PRSS23: variants seen among roughly 807,000 people sequenced by gnomAD.
PRSS23 encodes protease, serine 23.
PRSS23 carries 25 observed loss-of-function variants against 34.7 expected under a neutral mutation model. That is an observed-to-expected ratio of 0.72 (90% confidence interval 0.53 to 1.01). PRSS23 has a LOEUF of 1.01. PRSS23 is among the 50% of genes least tolerant of loss of function. PRSS23 has a pLI of 0.00. For synonymous variants in PRSS23, 176 were observed against 186.6 expected (o/e 0.94, Z 0.46); for missense variants, 445 against 475.6 (o/e 0.94, Z 0.60).
At chr11:86,885,685 T>A (rs1016939102) in intron 2 of PRSS23, among the ~76,000 whole-genome samples, 28 of 152,346 alleles carry the variant, frequency 1.8e-4, no homozygotes, top group African/African-American at 6.3e-4. Flanking sequence ...ATCCCGCAGA[T>A]TTTTGACTTG....
chr11:86,842,253 A>T (rs974958986), intron 2 of PRSS23, among the ~76,000 whole-genome samples: 2 of 152,126 alleles, frequency 1.3e-5, no homozygotes, highest in Non-Finnish European at 2.9e-5. Flanking sequence ...TAAAAACTCT[A>T]TATAAACTAG....
At chr11:86,867,630 A>G (rs185382338) in intron 2 of PRSS23, among the ~76,000 whole-genome samples, 2 of 152,346 alleles carry the variant, frequency 1.3e-5, no homozygotes, top group East Asian at 3.9e-4. Context: ...CTGTAATCCC[A>G]GCACTTTGAG....
intron 2 of PRSS23, among the ~76,000 whole-genome samples, chr11:86,856,460 A>G (rs1294036381): frequency 2.0e-5 from 3 of 151,704 alleles, no homozygotes; most frequent in Non-Finnish European, 4.4e-5. Context: ...CGAACCGGTG[A>G]CACGGATCTC....
intron 2 of PRSS23, among the ~76,000 whole-genome samples, chr11:86,913,725 T>A (rs1472091050): frequency 6.6e-6 from 1 of 150,874 alleles, no homozygotes. Flanking sequence ...ATATCAAGAG[T>A]TTTTGGATAG....
chr11:86,820,780 G>T (rs1948246031), intron 1 of PRSS23, among the ~76,000 whole-genome samples: 4 of 152,130 alleles, frequency 2.6e-5, no homozygotes, highest in Admixed American at 2.6e-4. Context: ...TTAGTAAAGG[G>T]CTTGTGTGAA....
At chr11:86,892,784 G>C (rs1948850162) in intron 2 of PRSS23, among the ~76,000 whole-genome samples, 1 of 151,998 alleles carries the variant, frequency 6.6e-6, no homozygotes, top group Non-Finnish European at 1.5e-5. Flanking sequence ...AATGCTTCCT[G>C]GAATCAGAGT....
chr11:86,930,317 A>G lies in PRSS23; in HGVS notation c.207-20899A>G, dbSNP rs533236246. On this transcript the variant is annotated intron_variant, in intron 2 of 2. Transcript: ENST00000533902. Reference sequence around the variant, plus strand: ...AAGCTATTCAAAAATTGAAATAAATATATGCAGTTTGTAAAATGACAACAG... The same window carrying G: ...AAGCTATTCAAAAATTGAAATAAATGTATGCAGTTTGTAAAATGACAACAG... Among the ~76,000 whole-genome samples the G allele has an allele frequency of 2.6e-5, 4 of 152,346 alleles. No individual in the cohort carries two copies. In the South Asian group the frequency reaches 8.3e-4, roughly 32 times the overall value.
At chr11:86,834,455 C>A (rs1208949625) in intron 2 of PRSS23, among the ~76,000 whole-genome samples, 1 of 151,986 alleles carries the variant, frequency 6.6e-6, no homozygotes, top group Non-Finnish European at 1.5e-5. Context: ...AATGAAGCGT[C>A]CTGCCTTGCG....
chr11:86,891,402 A>G (rs1948840123), intron 2 of PRSS23, among the ~76,000 whole-genome samples: 2 of 152,158 alleles, frequency 1.3e-5, no homozygotes, highest in East Asian at 3.9e-4. Flanking sequence ...GCCACAGGGT[A>G]TTCCATAAAT....
downstream of PRSS23, among the ~76,000 whole-genome samples, chr11:86,813,727 A>G (rs147000668): frequency 7.0e-4 from 107 of 152,294 alleles, 2 homozygotes; most frequent in Middle Eastern, 3.4e-3. Context: ...AATATTTTTT[A>G]ATGGAGAAGG....
At chr11:86,832,597 G>C in intron 2 of PRSS23, 1 of 491,138 alleles carries the variant, frequency 2.0e-6, no homozygotes, top group Non-Finnish European at 4.1e-6. Context: ...AGATGAAGGG[G>C]TTCAGCATGG....
At chr11:86,834,798 C>G (rs1362806957) in intron 2 of PRSS23, among the ~76,000 whole-genome samples, 1 of 152,090 alleles carries the variant, frequency 6.6e-6, no homozygotes, top group South Asian at 2.1e-4. Context: ...ATATATTTAC[C>G]CTTTTTCCTT....
upstream of PRSS23, among the ~76,000 whole-genome samples, chr11:86,799,876 A>C (rs565743507): frequency 4.6e-5 from 7 of 152,302 alleles, no homozygotes; most frequent in Non-Finnish European, 8.8e-5. Context: ...GGCCCCACGC[A>C]CAGCACTGAG....
intron 2 of PRSS23, among the ~76,000 whole-genome samples, chr11:86,944,829 T>C (rs1949230046): frequency 6.6e-6 from 1 of 152,212 alleles, no homozygotes. Flanking sequence ...AAATGTCCGG[T>C]AGCAATCTGC....
intron 2 of PRSS23, among the ~76,000 whole-genome samples, chr11:86,888,940 G>C (rs1413247576): frequency 1.3e-5 from 2 of 152,160 alleles, no homozygotes; most frequent in African/African-American, 4.8e-5. Context: ...ATGTCTTTTT[G>C]CAGTTACTGT....
intron 2 of PRSS23, among the ~76,000 whole-genome samples, chr11:86,932,384 G>A (rs1199705513): frequency 6.6e-6 from 1 of 152,214 alleles, no homozygotes. Context: ...CAGACTGTCA[G>A]TTCCTGAAGC....
At chr11:86,873,694 G>A (rs2134950739) in intron 2 of PRSS23, among the ~76,000 whole-genome samples, 1 of 152,302 alleles carries the variant, frequency 6.6e-6, no homozygotes, top group South Asian at 2.1e-4. Flanking sequence ...CTCAAAGTAA[G>A]TAAACACCTC....
At position 86,865,305 on chromosome 11, in the gene PRSS23, T is replaced by A. The variant is rs146279072; in HGVS notation, c.206+41712T>A. On this transcript the variant is annotated intron_variant, in intron 2 of 2. Transcript: ENST00000533902. ...CTTAAGTCCTCAACTTCTTTGAGTT[T>A]CAGTGTATGCTTGTGGGGATGACCG... 4.6e-5 allele frequency among the ~76,000 whole-genome samples: 7 copies of A among 152,352 alleles called. No individual in the cohort carries two copies. In the East Asian group the frequency reaches 1.3e-3, roughly 29 times the overall value.
chr11:86,806,470 G>A, intron 1 of PRSS23, among the ~76,000 whole-genome samples: 1 of 152,214 alleles, frequency 6.6e-6, no homozygotes, highest in Non-Finnish European at 1.5e-5. Flanking sequence ...GCTCCACGGT[G>A]TCACCTTTAC....
Sources: gnomAD v4.1 joint callset for allele counts (sites outside exome capture counted in the v4.1 genomes callset) on GRCh38, gnomAD v4.1.1 for gene constraint, MANE v1.5 for transcripts, NCBI Gene and HGNC (gene_info 2026-07-23, HGNC 2026-07-21) for gene names.